HS6ST3: variants seen among roughly 807,000 people sequenced by gnomAD.
The protein encoded by HS6ST3 is heparan-sulfate 6-O-sulfotransferase 3.
In HS6ST3, 12 loss-of-function variants were observed where a neutral mutation model predicts 36.7. The observed-to-expected ratio is 0.33, with a 90% CI of 0.21 to 0.53. HS6ST3 has a LOEUF of 0.53. Ranked by LOEUF, HS6ST3 falls within the 20% of genes least tolerant of loss-of-function variation. HS6ST3 has a pLI of 0.95. For missense variants in HS6ST3, 584 were observed against 640.9 expected, an observed-to-expected ratio of 0.91 and a Z score of 0.96; for synonymous variants, 240 against 257.5, an observed-to-expected ratio of 0.93 and a Z score of 0.65.
chr13:96,562,075 T>A (rs1429381458), intron 1 of HS6ST3, among the ~76,000 whole-genome samples: 2 of 152,196 alleles, frequency 1.3e-5, no homozygotes, highest in African/African-American at 2.4e-5. Context: ...CACATATGCA[T>A]GAGTATGTTC....
At chr13:96,368,006 A>G (rs1304895734) in intron 1 of HS6ST3, among the ~76,000 whole-genome samples, 2 of 152,218 alleles carry the variant, frequency 1.3e-5, no homozygotes, top group East Asian at 3.8e-4. Flanking sequence ...GAAAGTGCAC[A>G]GAGCACAATA....
chr13:96,288,731 A>C (rs1456152433), intron 1 of HS6ST3, among the ~76,000 whole-genome samples: 1 of 152,072 alleles, frequency 6.6e-6, no homozygotes, highest in Non-Finnish European at 1.5e-5. Flanking sequence ...ACCCTAAATC[A>C]TTTTCATTGA....
intron 1 of HS6ST3, among the ~76,000 whole-genome samples, chr13:96,823,375 C>T (rs1452795893): frequency 6.6e-6 from 1 of 152,090 alleles, no homozygotes; most frequent in East Asian, 1.9e-4. Flanking sequence ...ATTGGCCATA[C>T]AAATTATGAC....
At chr13:96,285,439 C>T (rs558178650) in intron 1 of HS6ST3, among the ~76,000 whole-genome samples, 1 of 152,202 alleles carries the variant, frequency 6.6e-6, no homozygotes, top group South Asian at 2.1e-4. Context: ...GCCATTTAGC[C>T]ATTGAGAGGA....
At chr13:96,510,947 GT>G (rs1321577419) in intron 1 of HS6ST3, among the ~76,000 whole-genome samples, 1 of 151,904 alleles carries the variant, frequency 6.6e-6, no homozygotes, top group Non-Finnish European at 1.5e-5. Context: ...TTTTATTTAT[GT>G]TTCTGCATGT....
At chr13:96,366,592 C>A (rs756870007) in intron 1 of HS6ST3, among the ~76,000 whole-genome samples, 1 of 152,140 alleles carries the variant, frequency 6.6e-6, no homozygotes, top group African/African-American at 2.4e-5. Flanking sequence ...ACATCAGAAT[C>A]ATCTAGGGTG....
At chr13:96,319,050 T>C (rs1267453158) in intron 1 of HS6ST3, among the ~76,000 whole-genome samples, 1 of 152,174 alleles carries the variant, frequency 6.6e-6, no homozygotes, top group East Asian at 1.9e-4. Flanking sequence ...ATCACTATAG[T>C]CAATTTTGGA....
At chr13:96,731,637 G>A (rs1876156496) in intron 1 of HS6ST3, among the ~76,000 whole-genome samples, 1 of 151,778 alleles carries the variant, frequency 6.6e-6, no homozygotes, top group Non-Finnish European at 1.5e-5. Context: ...GGATCATATG[G>A]TAGTTCAATT....
chr13:96,454,227 A>G (rs888900391), intron 1 of HS6ST3, among the ~76,000 whole-genome samples: 5 of 152,246 alleles, frequency 3.3e-5, no homozygotes, highest in South Asian at 2.1e-4. Context: ...TAGGAACTGA[A>G]TGTGCCTTAG....
At chr13:96,360,397 A>G (rs751145175) in intron 1 of HS6ST3, among the ~76,000 whole-genome samples, 1 of 152,088 alleles carries the variant, frequency 6.6e-6, no homozygotes, top group Non-Finnish European at 1.5e-5. Context: ...CCCTCTAGGG[A>G]TTGTGAATGA....
intron 1 of HS6ST3, among the ~76,000 whole-genome samples, chr13:96,496,176 C>T (rs938711287): frequency 6.6e-6 from 1 of 152,164 alleles, no homozygotes; most frequent in African/African-American, 2.4e-5. Flanking sequence ...CCTAAATGCC[C>T]CACCCCTGAC....
intron 1 of HS6ST3, among the ~76,000 whole-genome samples, chr13:96,591,590 T>A (rs1217723571): frequency 1.3e-5 from 2 of 152,158 alleles, no homozygotes; most frequent in African/African-American, 4.8e-5. Flanking sequence ...TTCTATCAGT[T>A]TTTTAGTTAA....
At chr13:96,593,675 A>G (rs2056391617) in intron 1 of HS6ST3, among the ~76,000 whole-genome samples, 1 of 151,798 alleles carries the variant, frequency 6.6e-6, no homozygotes, top group Admixed American at 6.6e-5. Flanking sequence ...ATCTGATAAA[A>G]TTATGAATTT....
At chr13:96,209,588 T>A (rs374749616) in intron 1 of HS6ST3, among the ~76,000 whole-genome samples, 26 of 152,280 alleles carry the variant, frequency 1.7e-4, no homozygotes, top group African/African-American at 6.0e-4. Flanking sequence ...AAAAATAACA[T>A]TTGGCTATAG....
At chr13:96,284,709 A>G (rs184282990) in intron 1 of HS6ST3, among the ~76,000 whole-genome samples, 206 of 152,162 alleles carry the variant, frequency 1.4e-3, no homozygotes, top group African/African-American at 4.6e-3. Flanking sequence ...CACAGGTTGG[A>G]TGCTTTTTTT....
chr13:96,740,872 C>T (rs1159989913), intron 1 of HS6ST3, among the ~76,000 whole-genome samples: 1 of 152,126 alleles, frequency 6.6e-6, no homozygotes, highest in Admixed American at 6.6e-5. Flanking sequence ...CACAAATGGA[C>T]CAACTCAGAG....
intron 1 of HS6ST3, among the ~76,000 whole-genome samples, chr13:96,223,089 A>G (rs143307918): frequency 6.6e-6 from 1 of 152,296 alleles, no homozygotes; most frequent in African/African-American, 2.4e-5. Flanking sequence ...GACTCTTACT[A>G]TTGTTAGCCA....
At chr13:96,239,531 C>G (rs1352769937) in intron 1 of HS6ST3, among the ~76,000 whole-genome samples, 1 of 152,152 alleles carries the variant, frequency 6.6e-6, no homozygotes, top group East Asian at 1.9e-4. Context: ...TAAGCAAATA[C>G]AATGCTTTTT....
At chr13:96,594,998 G>A (rs2056396207) in intron 1 of HS6ST3, among the ~76,000 whole-genome samples, 1 of 152,218 alleles carries the variant, frequency 6.6e-6, no homozygotes, top group African/African-American at 2.4e-5. Flanking sequence ...CAGAATATTT[G>A]GTTGGTAGCT....
Sources: gnomAD v4.1 joint callset for allele counts (sites outside exome capture counted in the v4.1 genomes callset) on GRCh38, gnomAD v4.1.1 for gene constraint, MANE v1.5 for transcripts, NCBI Gene and HGNC (gene_info 2026-07-23, HGNC 2026-07-21) for gene names.